Variants in CEP112 observed in about 807,000 individuals in gnomAD.
The protein encoded by CEP112 is centrosomal protein of 112 kDa.
CEP112 carries 127 observed loss-of-function variants against 153.0 expected under a neutral mutation model. The observed-to-expected ratio is 0.83, with a 90% confidence interval of 0.72 to 0.96. The LOEUF (loss-of-function observed/expected upper bound fraction) is 0.96, where lower values mean the gene tolerates loss of function less well. Among genes scored for constraint, CEP112 ranks in the 40% least tolerant of loss-of-function variants. CEP112 has a pLI of 0.00. For missense variants in CEP112, 1,089 were observed against 1,101.2 expected, an observed-to-expected ratio of 0.99 and a Z score of 0.16; for synonymous variants, 358 against 374.4, an observed-to-expected ratio of 0.96 and a Z score of 0.51.
chr17:66,115,714 G>A (rs532789123), intron 6 of CEP112, among the ~76,000 whole-genome samples: 17 of 152,182 alleles, frequency 1.1e-4, no homozygotes, highest in African/African-American at 3.9e-4. Flanking sequence ...GTTCTTCCCT[G>A]CTATGTAAAC....
intron 20 of CEP112, among the ~76,000 whole-genome samples, chr17:65,870,855 C>T (rs1222407662): frequency 1.3e-5 from 2 of 152,188 alleles, no homozygotes; most frequent in African/African-American, 4.8e-5. Flanking sequence ...TTCTTCTTCA[C>T]TAGAAAACTA....
Position 65,637,190 on chromosome 17 carries a change from T to C in CEP112, c.2800-2A>G, listed in dbSNP as rs764582966. On this transcript the variant is annotated splice_acceptor_variant, in intron 25 of 26. Transcript: ENST00000535342. LOFTEE classifies it high-confidence loss of function. ...AGCTCTCTTTTGCAGAAAATTAACC[T>C]AGAAAAGACACCTTGTGTGAGAAGA... 2.5e-6 allele frequency: 4 copies of C among 1,611,718 alleles called. No homozygotes were observed. The South Asian group carries it at 4.4e-5, about 18-fold the overall frequency.
intron 17 of CEP112, among the ~76,000 whole-genome samples, chr17:65,970,548 A>G (rs2062691179): frequency 6.6e-6 from 1 of 152,090 alleles, no homozygotes; most frequent in South Asian, 2.1e-4. Flanking sequence ...TGAATATTAC[A>G]TGAAAGTTAC....
intron 21 of CEP112, among the ~76,000 whole-genome samples, chr17:65,827,300 T>A (rs1007273611): frequency 1.3e-5 from 2 of 152,224 alleles, no homozygotes; most frequent in Non-Finnish European, 2.9e-5. Flanking sequence ...CTCCCCTTCA[T>A]ATATACATCT....
rs1224408410 is a variant in CEP112, at chr17:65,660,324, CTTTCTCTT to C, written c.2698-19267_2698-19260del. On this transcript the variant is annotated intron_variant, in intron 24 of 26. Transcript: ENST00000535342. ...CTTTTCTCTCTTTCTTTCTTCCTTT[CTTTCTCTT>C]TCTTTCTTTTTCTCTCTCGTTCCTT... Among the ~76,000 whole-genome samples, 4 of 81,250 alleles carry C rather than the reference CTTTCTCTT, an allele frequency of 4.9e-5. 1 individual carries two copies. The highest frequency in any genetic ancestry group is 2.1e-4 in the African/African-American group (3 of 14,252). The allele number at this position is 81,250 out of a possible 152,430, so 53.3% of individuals were successfully genotyped here.
At chr17:65,869,821 G>A (rs535445228) in intron 20 of CEP112, among the ~76,000 whole-genome samples, 21 of 151,798 alleles carry the variant, frequency 1.4e-4, no homozygotes, top group Admixed American at 3.3e-4. Context: ...TCCTGACCTC[G>A]TGATCCACCC....
rs3222034 is a variant in CEP112 at position 65,916,250 on chromosome 17, AGTGTGTGTGTGT to A, written c.1980+11320_1980+11331del. Reference sequence around the variant, plus strand: ...TACCTTAAATTATGTTTTGAAAAAGAGTGTGTGTGTGTGTGTGTGTGTGTGTGTGTGTGTGTG... The same window carrying A: ...TACCTTAAATTATGTTTTGAAAAAGAGTGTGTGTGTGTGTGTGTGTGTGTG... On this transcript the variant is annotated intron_variant, in intron 19 of 26. Transcript: ENST00000535342. 8.4e-3 allele frequency among the ~76,000 whole-genome samples: 1,088 copies of A among 129,958 alleles called. 17 individuals carry two copies. The highest frequency in any genetic ancestry group is 0.029 in the African/African-American group (1,019 of 34,772). 85.3% of individuals were successfully genotyped at this position (129,958 alleles called of 152,430 possible). A position where few individuals can be genotyped will look rare whatever the true frequency, so the allele number is the denominator to read the frequency against.
chr17:66,179,976 G>A (rs117701202), intron 2 of CEP112, among the ~76,000 whole-genome samples: 5,183 of 152,104 alleles, frequency 0.034, 129 homozygotes, highest in Middle Eastern at 0.061. Context: ...ATTGTGTTAT[G>A]ATTTATCACA....
Position 65,772,018 on chromosome 17 carries a change from T to C in CEP112, c.2395-21294A>G, listed in dbSNP as rs553710862. On this transcript the variant is annotated intron_variant, in intron 21 of 26. Coordinates refer to ENST00000535342, the MANE Select transcript of CEP112 (RefSeq NM_001199165.4). Reference sequence around the variant, plus strand: ...GCCTGGGCAACACAGCAAGACCCTGTCCCTGAAAAAAAAATTGCAAAGGAA... The same window carrying C: ...GCCTGGGCAACACAGCAAGACCCTGCCCCTGAAAAAAAAATTGCAAAGGAA... Among the ~76,000 whole-genome samples the C allele has an allele frequency of 2.4e-3, 368 of 151,906 alleles. 2 individuals carry two copies. Among genetic ancestry groups the C allele is most frequent in the Non-Finnish European group, 4.1e-3 (281 of 67,958 alleles).
intron 6 of CEP112, among the ~76,000 whole-genome samples, chr17:66,102,888 A>G (rs1000315987): frequency 4.8e-4 from 73 of 152,078 alleles, no homozygotes; most frequent in African/African-American, 1.6e-3. Context: ...AATTTGATAA[A>G]TGGAATCTAC....
chr17:66,004,560 TG>T (rs1284389954), intron 17 of CEP112, among the ~76,000 whole-genome samples: 4 of 152,234 alleles, frequency 2.6e-5, no homozygotes, highest in African/African-American at 9.6e-5. Flanking sequence ...TGAATATTAT[TG>T]TTCTCTCCTG....
chr17:66,023,249 C>T (rs1468209281), intron 16 of CEP112, among the ~76,000 whole-genome samples: 1 of 152,040 alleles, frequency 6.6e-6, no homozygotes, highest in Admixed American at 6.5e-5. Context: ...ATGCAGTTTA[C>T]CATAAGAAAT....
chr17:66,168,815 T>A (rs1490391923), intron 4 of CEP112, among the ~76,000 whole-genome samples: 1 of 152,084 alleles, frequency 6.6e-6, no homozygotes, highest in African/African-American at 2.4e-5. Flanking sequence ...AACCCCAACA[T>A]CGGTATTTCA....
At chr17:65,638,603 T>G (rs905544571) in intron 25 of CEP112, among the ~76,000 whole-genome samples, 1 of 152,230 alleles carries the variant, frequency 6.6e-6, no homozygotes, top group African/African-American at 2.4e-5. Context: ...CATAGGACAA[T>G]TGATAATTTT....
chr17:65,815,463 C>T (rs1329910109), intron 21 of CEP112, among the ~76,000 whole-genome samples: 1 of 151,892 alleles, frequency 6.6e-6, no homozygotes, highest in African/African-American at 2.4e-5. Flanking sequence ...GTGTAATTTC[C>T]CCAACTCCAT....
At chr17:65,745,992 C>T (rs903361782) in intron 22 of CEP112, among the ~76,000 whole-genome samples, 9 of 151,628 alleles carry the variant, frequency 5.9e-5, no homozygotes, top group East Asian at 5.8e-4. Flanking sequence ...GGCGAAACCC[C>T]GTCTCTTCTA....
chr17:65,942,657 GCATCTCAACT>G (rs1000854894), intron 18 of CEP112, among the ~76,000 whole-genome samples: 2 of 152,174 alleles, frequency 1.3e-5, no homozygotes, highest in African/African-American at 4.8e-5. Context: ...TATCCTATTT[GCATCTCAACT>G]TACTTGAACT....
intron 21 of CEP112, among the ~76,000 whole-genome samples, chr17:65,838,163 T>C (rs2057392480): frequency 6.6e-6 from 1 of 152,040 alleles, no homozygotes; most frequent in Non-Finnish European, 1.5e-5. Flanking sequence ...AAAAAGACAT[T>C]TACAGAATTT....
chr17:65,984,822 C>T (rs2063344490), intron 17 of CEP112, among the ~76,000 whole-genome samples: 1 of 152,056 alleles, frequency 6.6e-6, no homozygotes, highest in South Asian at 2.1e-4. Context: ...TACTTTCGAA[C>T]TGGATTGTCT....
Sources: allele counts gnomAD v4.1 joint callset (sites outside exome capture counted in the v4.1 genomes callset), GRCh38; gene constraint gnomAD v4.1.1; transcripts MANE v1.5; gene names NCBI Gene and HGNC (gene_info 2026-07-23, HGNC 2026-07-21).